Variants in TBC1D5 observed in about 807,000 individuals in gnomAD.
TBC1D5 encodes the protein TBC1 domain family, member 5.
Under a neutral mutation model 100.3 loss-of-function variants are expected in TBC1D5, and 75 were observed. The observed-to-expected ratio is 0.75, with a 90% CI of 0.62 to 0.91. The LOEUF (loss-of-function observed/expected upper bound fraction) is 0.91. Ranked by LOEUF, TBC1D5 falls within the 40% of genes least tolerant of loss-of-function variation. The pLI is 0.00. For missense variants in TBC1D5, 910 were observed against 942.4 expected (o/e 0.97, Z 0.45); for synonymous variants, 323 against 325.6 (o/e 0.99, Z 0.09).
At chr3:17,712,356 G>T (rs1289592150) in intron 1 of TBC1D5, among the ~76,000 whole-genome samples, 1 of 152,076 alleles carries the variant, frequency 6.6e-6, no homozygotes, top group Admixed American at 6.6e-5. Flanking sequence ...AAGCTGCCAG[G>T]AATTAAGGCT....
intron 2 of TBC1D5, among the ~76,000 whole-genome samples, chr3:17,542,665 A>C (rs538690649): frequency 6.6e-6 from 1 of 152,346 alleles, no homozygotes; most frequent in South Asian, 2.1e-4. Context: ...GTTTTTATTA[A>C]GAAATATTGT....
chr3:17,685,299 A>G (rs1222733566), intron 1 of TBC1D5, among the ~76,000 whole-genome samples: 1 of 152,104 alleles, frequency 6.6e-6, no homozygotes, highest in Non-Finnish European at 1.5e-5. Context: ...AAAACTAGTC[A>G]GTAACAATGC....
At chr3:17,613,669 C>T (rs985145896) in intron 2 of TBC1D5, among the ~76,000 whole-genome samples, 1 of 152,200 alleles carries the variant, frequency 6.6e-6, no homozygotes. Flanking sequence ...TTTCTGTTGG[C>T]TGCATAAATG....
chr3:17,201,257 A>C (rs1181302671), intron 18 of TBC1D5, among the ~76,000 whole-genome samples: 1 of 152,150 alleles, frequency 6.6e-6, no homozygotes, highest in African/African-American at 2.4e-5. Context: ...GAAAAAAAAC[A>C]CGGCCCCTTC....
intron 9 of TBC1D5, among the ~76,000 whole-genome samples, chr3:17,380,039 C>CTGTG (rs1442340088): frequency 0.014 from 1,384 of 100,106 alleles, 19 homozygotes; most frequent in Middle Eastern, 0.023. Flanking sequence ...ACAGCTGTGA[C>CTGTG]TGTGTATGTG....
At chr3:17,324,452 G>A (rs541198957) in intron 13 of TBC1D5, among the ~76,000 whole-genome samples, 1 of 152,280 alleles carries the variant, frequency 6.6e-6, no homozygotes, top group Admixed American at 6.5e-5. Context: ...AACCAGCCTG[G>A]CCAACATGGT....
At chr3:17,461,233 G>A (rs560889325) in intron 3 of TBC1D5, among the ~76,000 whole-genome samples, 1 of 152,144 alleles carries the variant, frequency 6.6e-6, no homozygotes, top group African/African-American at 2.4e-5. Context: ...AACATTTTCA[G>A]TTAATTGTTC....
At chr3:17,331,929 C>T (rs2086919433) in intron 13 of TBC1D5, among the ~76,000 whole-genome samples, 1 of 152,126 alleles carries the variant, frequency 6.6e-6, no homozygotes, top group Admixed American at 6.6e-5. Context: ...TGGCCAGGGC[C>T]CATGTAGGGC....
intron 13 of TBC1D5, among the ~76,000 whole-genome samples, chr3:17,323,984 C>A (rs993907037): frequency 1.1e-4 from 16 of 152,110 alleles, no homozygotes; most frequent in Non-Finnish European, 1.9e-4. Context: ...TAAAAGATGC[C>A]TAGATTGACA....
intron 8 of TBC1D5, among the ~76,000 whole-genome samples, chr3:17,396,282 T>C (rs1179372966): frequency 1.3e-5 from 2 of 152,122 alleles, no homozygotes; most frequent in Non-Finnish European, 2.9e-5. Flanking sequence ...TACAAGCTGC[T>C]ATTTTGGTGT....
At chr3:17,529,829 T>C (rs1019646271) in intron 2 of TBC1D5, among the ~76,000 whole-genome samples, 2 of 151,832 alleles carry the variant, frequency 1.3e-5, no homozygotes, top group African/African-American at 4.8e-5. Context: ...GGGAAAAACG[T>C]GAGATAAAAT....
At chr3:17,342,251 G>A (rs1249137194) in intron 13 of TBC1D5, among the ~76,000 whole-genome samples, 1 of 152,094 alleles carries the variant, frequency 6.6e-6, no homozygotes, top group Non-Finnish European at 1.5e-5. Context: ...ATACTTGTCA[G>A]GAATGCTCTG....
At chr3:17,371,904 GCACGCGTCTGTGGTAC>G (rs1188256139) in intron 13 of TBC1D5, among the ~76,000 whole-genome samples, 155 bp downstream of exon 13, 3 of 152,084 alleles carry the variant, frequency 2.0e-5, no homozygotes, top group African/African-American at 7.2e-5. Context: ...GGGCTTGGTG[GCACGCGTCTGTGGTAC>G]CAGCTACTTG....
intron 15 of TBC1D5, among the ~76,000 whole-genome samples, chr3:17,265,991 TA>T (rs2078807812): frequency 6.6e-6 from 1 of 152,180 alleles, no homozygotes; most frequent in African/African-American, 2.4e-5. Context: ...TGCCTTTATT[TA>T]AACAAATATT....
At chr3:17,627,635 G>A (rs1180877383) in intron 1 of TBC1D5, among the ~76,000 whole-genome samples, 4 of 149,364 alleles carry the variant, frequency 2.7e-5, no homozygotes, top group Non-Finnish European at 4.4e-5. Context: ...GTACTGCAAG[G>A]AAGAACAATT....
At chr3:17,573,976 C>T (rs1302719527) in intron 2 of TBC1D5, among the ~76,000 whole-genome samples, 1 of 151,914 alleles carries the variant, frequency 6.6e-6, no homozygotes, top group Non-Finnish European at 1.5e-5. Context: ...AAAAGTACTT[C>T]ATGGAAAGAA....
intron 15 of TBC1D5, among the ~76,000 whole-genome samples, chr3:17,283,007 C>A (rs2080775334): frequency 6.6e-6 from 1 of 152,240 alleles, no homozygotes; most frequent in South Asian, 2.1e-4. Context: ...CGGCCAGGCC[C>A]TGCCTGGTTG....
At chr3:17,518,516 T>C (rs937047788) in intron 2 of TBC1D5, among the ~76,000 whole-genome samples, 2 of 152,176 alleles carry the variant, frequency 1.3e-5, no homozygotes, top group Admixed American at 1.3e-4. Context: ...CCACCCCATC[T>C]CCTTTCCAGC....
rs2153802112 is a variant in TBC1D5, at chr3:17,677,512, A to T, written c.-100-53599T>A. On this transcript the variant is annotated intron_variant, in intron 1 of 21. Coordinates refer to ENST00000253692, the Ensembl canonical transcript of TBC1D5. Reference sequence around the variant, plus strand: ...AGTCAGGAAACAGGTGCTGGAGAGGATGTGGAGAAATAGGAACACTTTTAC... The same window carrying T: ...AGTCAGGAAACAGGTGCTGGAGAGGTTGTGGAGAAATAGGAACACTTTTAC... Among the ~76,000 whole-genome samples, 2 of 152,340 alleles carry T rather than the reference A, an allele frequency of 1.3e-5. 1 individual carries two copies. The highest frequency in any genetic ancestry group is 4.1e-4 in the South Asian group (2 of 4,824).
Sources: gnomAD v4.1 joint callset for allele counts (sites outside exome capture counted in the v4.1 genomes callset) on GRCh38, gnomAD v4.1.1 for gene constraint, MANE v1.5 for transcripts, NCBI Gene and HGNC (gene_info 2026-07-23, HGNC 2026-07-21) for gene names.